Variants in TNFAIP8 observed in about 807,000 individuals in gnomAD.
TNFAIP8 encodes the protein tumor necrosis factor alpha-induced protein 8.
TNFAIP8 carries 7 observed loss-of-function variants against 13.3 expected under a neutral mutation model. The observed-to-expected ratio is 0.52, with a 90% CI of 0.30 to 0.99. The LOEUF is 0.99. Ranked by LOEUF, TNFAIP8 falls within the 50% of genes least tolerant of loss-of-function variation. The pLI, the probability that TNFAIP8 is intolerant of heterozygous loss-of-function variation, is 0.07. For synonymous variants in TNFAIP8, 94 were observed against 87.6 expected, an observed-to-expected ratio of 1.07 and a Z score of -0.41; for missense variants, 258 against 236.9, an observed-to-expected ratio of 1.09 and a Z score of -0.58.
intron 1 of TNFAIP8, among the ~76,000 whole-genome samples, chr5:119,385,827 T>C (rs1752646951): frequency 6.6e-6 from 1 of 152,238 alleles, no homozygotes; most frequent in East Asian, 1.9e-4. Context: ...ATTTGAAGTT[T>C]AATTTGTTGT....
intron 1 of TNFAIP8, among the ~76,000 whole-genome samples, chr5:119,386,880 C>T (rs776272327): frequency 1.3e-5 from 2 of 152,172 alleles, no homozygotes; most frequent in Non-Finnish European, 2.9e-5. Flanking sequence ...TTGCCTCCAG[C>T]TTGCTGCCAT....
chr5:119,310,419 C>T (rs1023626714), intron 1 of TNFAIP8, among the ~76,000 whole-genome samples: 18 of 152,152 alleles, frequency 1.2e-4, no homozygotes, highest in Non-Finnish European at 2.2e-4. Context: ...GCCAAGGCAG[C>T]GCCCACTGGA....
Position 119,393,978 on chromosome 5 carries a change from A to G in TNFAIP8, c.*597A>G, listed in dbSNP as rs1398025032. 1 of 152,642 alleles carries G rather than the reference A, an allele frequency of 6.6e-6. No individual in the cohort carries two copies. Among genetic ancestry groups the G allele is most frequent in the Middle Eastern group, 3.2e-3 (1 of 316 alleles). The allele number at this position is 152,642 out of a possible 1,614,324, so 9.5% of individuals were successfully genotyped here. ...ACTGTGGAAATGAACTATATTAGCT[A>G]TTATGAATAATGTCCAGTATAAGAA... is the stretch of plus-strand genomic sequence containing the variant. On this transcript the variant is annotated 3_prime_UTR_variant, in exon 2 of 2. Transcript: ENST00000504771.
chr5:119,294,549 T>C (rs1749104635), intron 1 of TNFAIP8, among the ~76,000 whole-genome samples: 1 of 152,198 alleles, frequency 6.6e-6, no homozygotes, highest in African/African-American at 2.4e-5. Context: ...TATAGTCCTT[T>C]GGGTATATAC....
At chr5:119,293,214 A>G (rs1749054247) in intron 1 of TNFAIP8, among the ~76,000 whole-genome samples, 1 of 152,126 alleles carries the variant, frequency 6.6e-6, no homozygotes, top group South Asian at 2.1e-4. Context: ...TGGTGCCAAT[A>G]CTGAAAAATC....
intron 1 of TNFAIP8, among the ~76,000 whole-genome samples, chr5:119,370,155 T>G (rs1202365997): frequency 6.6e-6 from 1 of 152,246 alleles, no homozygotes; most frequent in Non-Finnish European, 1.5e-5. Context: ...GCTCTCTGTT[T>G]TAATTTGTTG....
At chr5:119,329,629 G>A (rs2112703620) in intron 1 of TNFAIP8, among the ~76,000 whole-genome samples, 1 of 152,294 alleles carries the variant, frequency 6.6e-6, no homozygotes, top group Non-Finnish European at 1.5e-5. Flanking sequence ...TCATATCCCA[G>A]CATTCTGCTG....
chr5:119,381,984 TAAC>T (rs1752503083), intron 1 of TNFAIP8, among the ~76,000 whole-genome samples: 1 of 152,162 alleles, frequency 6.6e-6, no homozygotes, highest in Non-Finnish European at 1.5e-5. Flanking sequence ...TCCTGGGTCT[TAAC>T]AAGCTATATA....
chr5:119,272,464 G>C (rs75304199), intron 1 of TNFAIP8, among the ~76,000 whole-genome samples: 1 of 152,226 alleles, frequency 6.6e-6, no homozygotes, highest in Non-Finnish European at 1.5e-5. Flanking sequence ...TTGGAATTCT[G>C]TTGTGTTTCA....
chr5:119,336,427 C>T (rs1203163491), intron 1 of TNFAIP8, among the ~76,000 whole-genome samples: 1 of 152,224 alleles, frequency 6.6e-6, no homozygotes, highest in East Asian at 1.9e-4. Flanking sequence ...GCTCCTCCAG[C>T]ACCTGTGTTT....
In TNFAIP8 at chr5:119,397,053, G is replaced by A. The variant is rs1315593836; in HGVS notation, c.*3672G>A. 6.8e-6 allele frequency: 1 copy of A among 146,742 alleles called. No homozygotes were observed. The highest frequency in any genetic ancestry group is 2.5e-5 in the African/African-American group (1 of 39,594). The allele number at this position is 146,742 out of a possible 1,614,324, so 9.1% of individuals were successfully genotyped here. Reference sequence around the variant, plus strand: ...AGAACTTTGATCGTACAGAAATATTGCGTTTTAAACTCTTATATAATAGTA... The same window carrying A: ...AGAACTTTGATCGTACAGAAATATTACGTTTTAAACTCTTATATAATAGTA... On this transcript the variant is annotated 3_prime_UTR_variant, in exon 2 of 2. Transcript: ENST00000504771.
intron 1 of TNFAIP8, among the ~76,000 whole-genome samples, chr5:119,380,102 C>T (rs1004098792): frequency 6.6e-6 from 1 of 152,236 alleles, no homozygotes; most frequent in South Asian, 2.1e-4. Flanking sequence ...TGTTTATGCA[C>T]CCTTAGATAA....
intron 1 of TNFAIP8, among the ~76,000 whole-genome samples, chr5:119,345,245 A>T (rs1163003135): frequency 2.0e-5 from 3 of 152,320 alleles, no homozygotes; most frequent in East Asian, 3.9e-4. Context: ...TCAGGGTCTA[A>T]TGAGAATATA....
intron 1 of TNFAIP8, among the ~76,000 whole-genome samples, chr5:119,371,672 C>T (rs561792085): frequency 3.3e-5 from 5 of 152,290 alleles, no homozygotes; most frequent in South Asian, 2.1e-4. Context: ...TGTCTAACAT[C>T]GGAGAGATAA....
chr5:119,371,215 C>A (rs1020974019), intron 1 of TNFAIP8, among the ~76,000 whole-genome samples: 1 of 152,022 alleles, frequency 6.6e-6, no homozygotes, highest in African/African-American at 2.4e-5. Flanking sequence ...ATAGAATATA[C>A]CCTGCATTGG....
chr5:119,313,204 G>A (rs1749785799), intron 1 of TNFAIP8, among the ~76,000 whole-genome samples: 1 of 152,170 alleles, frequency 6.6e-6, no homozygotes, highest in African/African-American at 2.4e-5. Context: ...TTAGTTCAAA[G>A]CCAAGAATCT....
chr5:119,341,794 A>G (rs751935273), intron 1 of TNFAIP8, among the ~76,000 whole-genome samples: 4 of 152,208 alleles, frequency 2.6e-5, no homozygotes, highest in Non-Finnish European at 5.9e-5. Flanking sequence ...AGTATTTTAC[A>G]TCATTTAAAA....
chr5:119,392,137 T>G, intron 1 of TNFAIP8, among the ~76,000 whole-genome samples: 1 of 152,352 alleles, frequency 6.6e-6, no homozygotes, highest in Non-Finnish European at 1.5e-5. Context: ...GAGCACTTCT[T>G]TTCAACACTC....
At chr5:119,310,717 C>T (rs180866425) in intron 1 of TNFAIP8, among the ~76,000 whole-genome samples, 45 of 152,224 alleles carry the variant, frequency 3.0e-4, no homozygotes, top group African/African-American at 1.0e-3. Flanking sequence ...ATCCCAGTTA[C>T]TTGAGAGGCT....
Sources: allele counts gnomAD v4.1 joint callset (sites outside exome capture counted in the v4.1 genomes callset), GRCh38; gene constraint gnomAD v4.1.1; transcripts MANE v1.5; gene names NCBI Gene and HGNC (gene_info 2026-07-23, HGNC 2026-07-21).